EDC3: variants seen among roughly 807,000 people sequenced by gnomAD.
EDC3 encodes the protein enhancer of mRNA decapping 3.
EDC3 carries 20 observed loss-of-function variants against 41.8 expected under a neutral mutation model. The observed-to-expected ratio is 0.48, with a 90% CI of 0.34 to 0.70. The LOEUF (loss-of-function observed/expected upper bound fraction) is 0.70, where lower values mean the gene tolerates loss of function less well. Among genes scored for constraint, EDC3 ranks in the 30% least tolerant of loss-of-function variants. EDC3 has a pLI of 0.01. For synonymous variants in EDC3, 206 were observed against 243.2 expected (o/e 0.85, Z 1.42); for missense variants, 444 against 636.8 (o/e 0.70, Z 3.26).
intron 4 of EDC3, among the ~76,000 whole-genome samples, chr15:74,646,407 T>G (rs191279239): frequency 7.9e-5 from 12 of 152,260 alleles, no homozygotes; most frequent in African/African-American, 2.9e-4. Flanking sequence ...AACAAAAAAA[T>G]ACATAGGTGC....
intron 1 of EDC3, among the ~76,000 whole-genome samples, chr15:74,685,518 T>C (rs1284861116): frequency 6.6e-6 from 1 of 152,172 alleles, no homozygotes; most frequent in East Asian, 1.9e-4. Flanking sequence ...AAGAAGTCAA[T>C]AAATATTTAA....
chr15:74,648,276 A>AGT, intron 4 of EDC3, among the ~76,000 whole-genome samples: 1 of 152,264 alleles, frequency 6.6e-6, no homozygotes, highest in African/African-American at 2.4e-5. Context: ...AGATAAAAAC[A>AGT]CTGCTGGTCT....
intron 1 of EDC3, among the ~76,000 whole-genome samples, chr15:74,680,486 T>C (rs966388196): frequency 4.5e-4 from 69 of 152,146 alleles, no homozygotes; most frequent in South Asian, 4.1e-4. Context: ...AAAATGGGAA[T>C]AGAGAGGAAC....
At position 74,632,255 on chromosome 15, in the gene EDC3, A is replaced by AC. The variant is rs2062218663; in HGVS notation, c.*356dup. On this transcript the variant is annotated 3_prime_UTR_variant, in exon 7 of 7. Transcript: ENST00000315127. This position sits in a 1 kb window ranked among gnomAD's most constrained non-coding sequence, Gnocchi z 4.0. ...GAGCAGGTACAGGCCCCCAGACAGG[A>AC]CCTGGCCCACTCTTCAATGTGTGTG... 1 of 309,642 alleles carries AC rather than the reference A, an allele frequency of 3.2e-6. No individual in the cohort carries two copies. Among genetic ancestry groups the AC allele is most frequent in the East Asian group, 7.1e-5 (1 of 14,024 alleles). The allele number at this position is 309,642 out of a possible 1,614,324, so 19.2% of individuals were successfully genotyped here.
chr15:74,669,017 A>G (rs1215656762), intron 3 of EDC3, among the ~76,000 whole-genome samples: 1 of 151,892 alleles, frequency 6.6e-6, no homozygotes, highest in African/African-American at 2.4e-5. Context: ...AGGCAGATCA[A>G]CTGAGGTCAT....
At chr15:74,680,210 A>G (rs149475885) in intron 1 of EDC3, among the ~76,000 whole-genome samples, 3,425 of 134,724 alleles carry the variant, frequency 0.025, 138 homozygotes, top group African/African-American at 0.09. Flanking sequence ...GCAGTGAGCC[A>G]CAATCACACC....
At chr15:74,662,006 G>A (rs1337803599) in intron 3 of EDC3, among the ~76,000 whole-genome samples, 2 of 151,990 alleles carry the variant, frequency 1.3e-5, no homozygotes, top group Non-Finnish European at 2.9e-5. Context: ...GAGCATCCTC[G>A]AGTTTCATGA....
At chr15:74,636,042 A>C in intron 5 of EDC3, 1 of 178,818 alleles carries the variant, frequency 5.6e-6, no homozygotes. Context: ...CTCAAACTAC[A>C]TCCCCTGCCC....
rs548059383 is a variant in EDC3, at chr15:74,665,028, CTTTG to C, written c.484+6423_484+6426del. On this transcript the variant is annotated intron_variant, in intron 3 of 6. Coordinates refer to ENST00000315127, the MANE Select transcript of EDC3 (RefSeq NM_025083.5). Reference sequence around the variant, plus strand: ...AAATGAGTTAAAGGCCAGCTATCTACTTTGTTTGTTTTGAGATGCAGTTTCACTC... The same window carrying C: ...AAATGAGTTAAAGGCCAGCTATCTACTTTGTTTTGAGATGCAGTTTCACTC... Among the ~76,000 whole-genome samples the C allele has an allele frequency of 1.5e-3, 232 of 152,278 alleles. 1 individual carries two copies. The highest frequency in any genetic ancestry group is 2.8e-3 in the Non-Finnish European group (188 of 68,016).
At chr15:74,682,025 A>C (rs1473268251) in intron 1 of EDC3, among the ~76,000 whole-genome samples, 2 of 152,236 alleles carry the variant, frequency 1.3e-5, no homozygotes, top group Non-Finnish European at 2.9e-5. Flanking sequence ...ACACCTTTCA[A>C]AATGGCTAAA....
At chr15:74,682,670 C>A (rs1016077705) in intron 1 of EDC3, among the ~76,000 whole-genome samples, 1 of 151,474 alleles carries the variant, frequency 6.6e-6, no homozygotes, top group African/African-American at 2.4e-5. Flanking sequence ...ACAATATGAC[C>A]CAGCAGTTGC....
chr15:74,643,131 G>A (rs1270435351), intron 4 of EDC3: 1 of 152,156 alleles, frequency 6.6e-6, no homozygotes, highest in Non-Finnish European at 1.5e-5. Flanking sequence ...AGTCCAACAA[G>A]TTGGACTGGC....
Position 74,671,798 on chromosome 15 carries a change from T to C in EDC3, c.165-24A>G. 1 of 1,605,820 alleles carries C rather than the reference T, an allele frequency of 6.2e-7. No homozygotes were observed. ...CCCTGAAATACACAAAAAAGCCAAGTCTCAAAATTATAATAGTGGTAAGAA... is the reference window on the plus strand; with the variant it reads ...CCCTGAAATACACAAAAAAGCCAAGCCTCAAAATTATAATAGTGGTAAGAA... On this transcript the variant is annotated intron_variant, in intron 2 of 6. Coordinates refer to ENST00000315127, the MANE Select transcript of EDC3 (RefSeq NM_025083.5). The surrounding 1 kb of genome is among the most constrained non-coding windows in gnomAD (Gnocchi z 4.6).
At chr15:74,635,704 AG>A (rs1306148646) in intron 5 of EDC3, 78 bp from the exon 6 acceptor site, 1 of 1,326,110 alleles carries the variant, frequency 7.5e-7, no homozygotes, top group African/African-American at 1.5e-5. Context: ...AATTGCCTGT[AG>A]CACCTATTGG....
At chr15:74,692,027 G>A (rs1170023258) in intron 1 of EDC3, among the ~76,000 whole-genome samples, 1 of 152,020 alleles carries the variant, frequency 6.6e-6, no homozygotes, top group Non-Finnish European at 1.5e-5. Context: ...CACTGTGTTA[G>A]CCAGGATGGT....
At chr15:74,685,979 G>A (rs2062932460) in intron 1 of EDC3, among the ~76,000 whole-genome samples, 1 of 152,120 alleles carries the variant, frequency 6.6e-6, no homozygotes, top group African/African-American at 2.4e-5. Context: ...GATCACATGA[G>A]GTCAGGAGTT....
Position 74,640,808 on chromosome 15 carries a change from A to T in EDC3, c.821-189T>A, listed in dbSNP as rs553710946. 116 of 651,126 alleles carry T rather than the reference A, an allele frequency of 1.8e-4. No homozygotes were observed. In the South Asian group the frequency reaches 2.0e-3, roughly 11 times the overall value. The allele number at this position is 651,126 out of a possible 1,614,324, so 40.3% of individuals were successfully genotyped here. On this transcript the variant is annotated intron_variant, in intron 4 of 6. Transcript: ENST00000315127. ...GAGCTCAAGTAGTGACTGGTGAACCAAGTAACAACTTGTTCCAGGTCACCA... is the reference window on the plus strand; with the variant it reads ...GAGCTCAAGTAGTGACTGGTGAACCTAGTAACAACTTGTTCCAGGTCACCA...
At chr15:74,663,713 A>G (rs966209516) in intron 3 of EDC3, among the ~76,000 whole-genome samples, 18 of 152,106 alleles carry the variant, frequency 1.2e-4, no homozygotes, top group Admixed American at 1.2e-3. Flanking sequence ...AAAAAAAAAA[A>G]AAAGCTAATA....
rs767215558 is a variant in EDC3 at position 74,671,545 on chromosome 15, G to A, written c.394C>T (p.Pro132Ser). The part of the protein sequence containing the change: ...DVKSQDVAVS[P>S]QQQQCSKSYV... The stretch of plus-strand genomic sequence containing the variant: ...CTCTTTGAGCACTGTTGCTGCTGCG[G>A]GGAAACGGCAACATCCTGGCTCTTC... The change falls in exon 3 of 7, where the codon CCG (proline) becomes TCG (serine). Residue 132 changes from proline (P) to serine (S), a missense_variant. Physicochemically the swap from Pro to Ser is moderately conservative, Grantham distance 74 (BLOSUM62 -1). This residue lies in a region of EDC3 where 200 missense variants were observed against 244.0 expected (regional missense o/e 0.82). Transcript: ENST00000315127. This position sits in a 1 kb window ranked among gnomAD's most constrained non-coding sequence, Gnocchi z 4.6. 41 of 1,614,068 alleles carry A rather than the reference G, an allele frequency of 2.5e-5. No individual in the cohort carries two copies. Among genetic ancestry groups the A allele is most frequent in the African/African-American group, 4.0e-5 (3 of 74,914 alleles).
Sources: gnomAD v4.1 joint callset for allele counts (sites outside exome capture counted in the v4.1 genomes callset) on GRCh38, gnomAD v4.1.1 for gene constraint, gnomAD v4.1.1 regional missense constraint, Gnocchi (gnomAD v3.1) non-coding constraint, MANE v1.5 for transcripts, NCBI Gene and HGNC (gene_info 2026-07-23, HGNC 2026-07-21) for gene names.